Variants in AACS observed in about 807,000 individuals in gnomAD.
The protein encoded by AACS is acetoacetyl-CoA synthetase.
In AACS, 69 loss-of-function variants were observed where a neutral mutation model predicts 83.1. The observed-to-expected ratio is 0.83, with a 90% CI of 0.68 to 1.01. The LOEUF (loss-of-function observed/expected upper bound fraction) is 1.01. Ranked by LOEUF, AACS falls within the 50% of genes least tolerant of loss-of-function variation. AACS has a pLI of 0.00. For missense variants in AACS, 866 were observed against 882.2 expected, an observed-to-expected ratio of 0.98 and a Z score of 0.23; for synonymous variants, 333 against 343.4, an observed-to-expected ratio of 0.97 and a Z score of 0.33.
In AACS at chr12:125,129,603, G is replaced by C. The variant is rs956793464; in HGVS notation, c.1549+143G>C. On this transcript the variant is annotated intron_variant, in intron 14 of 17. Coordinates refer to ENST00000316519, the MANE Select transcript of AACS (RefSeq NM_023928.5). This position sits in a 1 kb window ranked among gnomAD's most constrained non-coding sequence, Gnocchi z 4.3. ...GCTGCTTATAGTTCATTCCGCCAGT[G>C]GGGGGATAATGAATTTTTGATCAAT... 9.2e-7 allele frequency: 1 copy of C among 1,087,804 alleles called. No individual in the cohort carries two copies. The highest frequency in any genetic ancestry group is 1.3e-6 in the Non-Finnish European group (1 of 768,752). The allele number at this position is 1,087,804 out of a possible 1,614,324, so 67.4% of individuals were successfully genotyped here. A position where few individuals can be genotyped will look rare whatever the true frequency, so the allele number is the denominator to read the frequency against.
chr12:125,121,127 C>T (rs1426661842), intron 10 of AACS: 2 of 152,404 alleles, frequency 1.3e-5, no homozygotes, highest in East Asian at 3.9e-4. Context: ...GCAGGGCTCC[C>T]TCTGGATGTG....
rs190615740 is a variant in AACS, at chr12:125,100,152, A to G, written c.571-2527A>G. On this transcript the variant is annotated intron_variant, in intron 5 of 17. Coordinates refer to ENST00000316519, the MANE Select transcript of AACS (RefSeq NM_023928.5). Reference sequence around the variant, plus strand: ...CCACTCAGCCTCCCACGTAGCTGGGATTACAGGTGCCCTGCTAATTTAATA... The same window carrying G: ...CCACTCAGCCTCCCACGTAGCTGGGGTTACAGGTGCCCTGCTAATTTAATA... Among the ~76,000 whole-genome samples the G allele has an allele frequency of 2.2e-4, 34 of 152,196 alleles. No individual in the cohort carries two copies. In the East Asian group the frequency reaches 6.4e-3, roughly 29 times the overall value.
At position 125,108,880 on chromosome 12, in the gene AACS, T is replaced by A. The variant is rs1420485691; in HGVS notation, c.915+1612T>A. Among the ~76,000 whole-genome samples, 7 of 138,792 alleles carry A rather than the reference T, an allele frequency of 5.0e-5. No individual in the cohort carries two copies. In the East Asian group the frequency reaches 1.5e-3, roughly 31 times the overall value. The allele number at this position is 138,792 out of a possible 152,430, so 91.1% of individuals were successfully genotyped here. On this transcript the variant is annotated intron_variant, in intron 8 of 17. Transcript: ENST00000316519. ...TTTTGTGGCTTTTTTTTTTTTTTTT[T>A]AAGACCGGGTTTTGGCATGTTACCC...
At chr12:125,079,626 C>G (rs574530982) in intron 3 of AACS, among the ~76,000 whole-genome samples, 10 of 152,094 alleles carry the variant, frequency 6.6e-5, no homozygotes, top group Non-Finnish European at 1.5e-4. Flanking sequence ...TGGGCTCAAG[C>G]AATTCACCTG....
chr12:125,106,112 T>C (rs1956828224), intron 7 of AACS, among the ~76,000 whole-genome samples: 1 of 152,250 alleles, frequency 6.6e-6, no homozygotes, highest in Non-Finnish European at 1.5e-5. Context: ...TTAGTCTGTA[T>C]GGCATTTGTA....
chr12:125,078,146 C>A, intron 3 of AACS: 2 of 456,322 alleles, frequency 4.4e-6, no homozygotes, highest in South Asian at 3.1e-5. Flanking sequence ...TGGCCCTGCC[C>A]AGGCTACAGA....
At position 125,085,367 on chromosome 12, in the gene AACS, C is replaced by T. The variant is rs565968659; in HGVS notation, c.359-963C>T. ...CATGTCTATTTCGTGGAACCACGCA[C>T]GTGCACGTTGCATCCACATCTGTTT... On this transcript the variant is annotated intron_variant, in intron 3 of 17. Coordinates refer to ENST00000316519, the MANE Select transcript of AACS (RefSeq NM_023928.5). Among the ~76,000 whole-genome samples the T allele has an allele frequency of 2.0e-5, 3 of 152,254 alleles. No individual in the cohort carries two copies. In the South Asian group the frequency reaches 6.2e-4, roughly 32 times the overall value.
intron 7 of AACS, among the ~76,000 whole-genome samples, chr12:125,105,962 T>C (rs1463657697): frequency 6.6e-6 from 1 of 152,254 alleles, no homozygotes; most frequent in Non-Finnish European, 1.5e-5. Flanking sequence ...TTTCCTGACA[T>C]GCTGGAGCAG....
At chr12:125,141,713 A>AAAAAAAAG in intron 17 of AACS, 1 of 112,426 alleles carries the variant, frequency 8.9e-6, no homozygotes, top group South Asian at 2.1e-4. Flanking sequence ...AAAAAAAAGA[A>AAAAAAAAG]AAAAAAAGAA....
In AACS at chr12:125,103,053, A is replaced by G; in HGVS notation, c.739A>G (p.Asn247Asp). Residue 247 changes from asparagine (N) to aspartate (D), a missense_variant, in exon 7 of 18, where the codon AAC becomes GAC. By Grantham distance (23) the Asn-to-Asp change is conservative. Transcript: ENST00000316519. ...VVIPYVSSRE[N>D]IDLSKIPNSV... ...GATTCCTTATGTGTCCTCCAGAGAG[A>G]ACATAGACCTTTCAAAGATTCCAAA... 6.2e-7 allele frequency: 1 copy of G among 1,614,108 alleles called. No individual in the cohort carries two copies. The highest frequency in any genetic ancestry group is 8.5e-7 in the Non-Finnish European group (1 of 1,180,018).
At position 125,086,102 on chromosome 12, in the gene AACS, CTT is replaced by C. The variant is rs569977458; in HGVS notation, c.359-226_359-225del. ...CCCTGCACCGGGCCTAATAGAGAAT[CTT>C]TACGCAGCACATGTTGTTAGTGTAT... On this transcript the variant is annotated intron_variant, in intron 3 of 17. Transcript: ENST00000316519. Among the ~76,000 whole-genome samples, 457 of 152,324 alleles carry C rather than the reference CTT, an allele frequency of 3.0e-3. 1 individual carries two copies. Among genetic ancestry groups the C allele is most frequent in the African/African-American group, 0.01 (436 of 41,578 alleles).
chr12:125,072,935 T>TGG (rs1565920788), intron 1 of AACS, among the ~76,000 whole-genome samples: 2 of 143,954 alleles, frequency 1.4e-5, no homozygotes, highest in East Asian at 4.0e-4. Flanking sequence ...TTTTTTTTTT[T>TGG]TTTTTTTTTT....
At chr12:125,141,909 A>G (rs1252710949) in intron 17 of AACS, among the ~76,000 whole-genome samples, 183 bp from the exon 18 acceptor site, 2 of 152,032 alleles carry the variant, frequency 1.3e-5, no homozygotes, top group Non-Finnish European at 2.9e-5. Flanking sequence ...GACAGTGGTC[A>G]GTTCACCGTA....
chr12:125,077,279 G>T (rs1248401026), intron 3 of AACS, among the ~76,000 whole-genome samples: 1 of 151,866 alleles, frequency 6.6e-6, no homozygotes, highest in Non-Finnish European at 1.5e-5. Context: ...GGGAGGCCAA[G>T]GTGGGCGGAT....
At chr12:125,103,150 C>T in intron 7 of AACS, 69 bp downstream of exon 7, 3 of 1,349,726 alleles carry the variant, frequency 2.2e-6, no homozygotes, top group Non-Finnish European at 3.1e-6. Flanking sequence ...AAGTAGGCCT[C>T]TGGATCTTCT....
At chr12:125,073,801 CTGAGG>C in intron 1 of AACS, 70 bp from the exon 2 acceptor site, 2 of 1,237,086 alleles carry the variant, frequency 1.6e-6, no homozygotes, top group Non-Finnish European at 2.4e-6. Context: ...CTCAAGGCTT[CTGAGG>C]TGTGTCCATC....
chr12:125,106,012 G>C (rs1225566434), intron 7 of AACS, among the ~76,000 whole-genome samples: 1 of 152,134 alleles, frequency 6.6e-6, no homozygotes. Flanking sequence ...GAATTATTTT[G>C]GATGCCCTTT....
In AACS at chr12:125,134,649, G is replaced by A. The variant is rs557003308; in HGVS notation, c.1620-145G>A. On this transcript the variant is annotated intron_variant, in intron 15 of 17. Coordinates refer to ENST00000316519, the MANE Select transcript of AACS (RefSeq NM_023928.5). ...AGAGGGAGAAAGAGCCGGGTGGTAG[G>A]GCAAGGAGCTGGGGAGCGGAGTGTC... 21 of 805,306 alleles carry A rather than the reference G, an allele frequency of 2.6e-5. No individual in the cohort carries two copies. The African/African-American group carries it at 3.4e-4, about 13-fold the overall frequency. 49.9% of individuals were successfully genotyped at this position (805,306 alleles called of 1,614,324 possible). A position where few individuals can be genotyped will look rare whatever the true frequency, so the allele number is the denominator to read the frequency against.
At chr12:125,077,108 G>A (rs1956044062) in intron 3 of AACS, among the ~76,000 whole-genome samples, 1 of 148,038 alleles carries the variant, frequency 6.8e-6, no homozygotes, top group Non-Finnish European at 1.5e-5. Context: ...TAGAGACAGG[G>A]TCTTGCTATG....
Sources: gnomAD v4.1 joint callset for allele counts (sites outside exome capture counted in the v4.1 genomes callset) on GRCh38, gnomAD v4.1.1 for gene constraint, Gnocchi (gnomAD v3.1) non-coding constraint, MANE v1.5 for transcripts, NCBI Gene and HGNC (gene_info 2026-07-23, HGNC 2026-07-21) for gene names.